SASH1: variants seen among roughly 807,000 people sequenced by gnomAD.
The protein encoded by SASH1 is SAM and SH3 domain-containing protein 1.
SASH1 carries 44 observed loss-of-function variants against 125.2 expected under a neutral mutation model. The observed-to-expected ratio is 0.35, with a 90% confidence interval of 0.28 to 0.45. The LOEUF (loss-of-function observed/expected upper bound fraction) is 0.45, where lower values mean the gene tolerates loss of function less well. Ranked by LOEUF, SASH1 falls within the 20% of genes least tolerant of loss-of-function variation. SASH1 has a pLI of 1.00. For synonymous variants in SASH1, 639 were observed against 649.1 expected (o/e 0.98, Z 0.24); for missense variants, 1,426 against 1,614.5 (o/e 0.88, Z 2.00).
chr6:148,445,977 G>A (rs1250203450), intron 4 of SASH1, among the ~76,000 whole-genome samples: 2 of 151,310 alleles, frequency 1.3e-5, no homozygotes, highest in African/African-American at 4.8e-5. Context: ...GAAAAATAAA[G>A]CAAAGAAAGG....
chr6:148,336,998 C>T (rs973962686), intron 1 of SASH1, among the ~76,000 whole-genome samples: 1 of 152,176 alleles, frequency 6.6e-6, no homozygotes, highest in African/African-American at 2.4e-5. Flanking sequence ...CTAAATACCC[C>T]ACAACTTGTA....
intron 2 of SASH1, among the ~76,000 whole-genome samples, chr6:148,430,418 G>C (rs930559613): frequency 1.3e-5 from 2 of 152,166 alleles, no homozygotes; most frequent in Non-Finnish European, 2.9e-5. Context: ...TGCAGCCTTC[G>C]CCTCCTGGGT....
At chr6:148,513,993 G>A in intron 8 of SASH1, 2 of 1,012,900 alleles carry the variant, frequency 2.0e-6, no homozygotes, top group Non-Finnish European at 2.4e-6. Context: ...TGGAATTACA[G>A]GGCCAGCATC....
the SASH1 span, among the ~76,000 whole-genome samples, chr6:148,263,879 T>C: frequency 6.6e-6 from 1 of 152,236 alleles, no homozygotes; most frequent in Non-Finnish European, 1.5e-5. Context: ...GACTCATTTC[T>C]GAGCTGGTCC....
At chr6:148,471,589 AAGTT>A (rs1275789112) in intron 6 of SASH1, 86 bp downstream of exon 6, 34 of 802,712 alleles carry the variant, frequency 4.2e-5, no homozygotes, top group Admixed American at 2.3e-5. Flanking sequence ...TGGATGCTAT[AAGTT>A]AGCGTAACTC....
chr6:148,285,448 T>C (rs1047916532), intron 1 of SASH1, among the ~76,000 whole-genome samples: 2 of 152,254 alleles, frequency 1.3e-5, no homozygotes, highest in African/African-American at 4.8e-5. Context: ...CCTCTGGCTA[T>C]TGGGGGCCCA....
chr6:148,528,003 C>A (rs1220711276), intron 12 of SASH1, among the ~76,000 whole-genome samples: 2 of 129,552 alleles, frequency 1.5e-5, no homozygotes, highest in African/African-American at 3.1e-5. Context: ...GGGGGGGTGG[C>A]AGTAGACTTG....
intron 2 of SASH1, among the ~76,000 whole-genome samples, chr6:148,434,899 A>G (rs981096874): frequency 1.3e-5 from 2 of 152,104 alleles, no homozygotes; most frequent in African/African-American, 2.4e-5. Context: ...TGTGCATATC[A>G]TATTCAGAAA....
intron 5 of SASH1, among the ~76,000 whole-genome samples, chr6:148,470,965 C>T (rs74657830): frequency 0.04 from 6,120 of 152,144 alleles, 445 homozygotes; most frequent in African/African-American, 0.14. Context: ...TCTGGAATAA[C>T]AGAAATAAAC....
intron 2 of SASH1, among the ~76,000 whole-genome samples, chr6:148,390,982 T>C (rs1783691209): frequency 6.6e-6 from 1 of 151,680 alleles, no homozygotes. Flanking sequence ...CAACATAAAA[T>C]TTTAAGGAAC....
chr6:148,496,881 G>GAA (rs545900493), intron 8 of SASH1, among the ~76,000 whole-genome samples: 3 of 138,024 alleles, frequency 2.2e-5, no homozygotes, highest in African/African-American at 5.3e-5. Context: ...TCAAAAAAAA[G>GAA]AAAAAAAAAA....
intron 1 of SASH1, among the ~76,000 whole-genome samples, chr6:148,326,329 T>TATATATATATATATATGC (rs1554235269): frequency 4.8e-5 from 3 of 62,380 alleles, no homozygotes; most frequent in African/African-American, 2.0e-4. Flanking sequence ...CATGCATATA[T>TATATATATATATATATGC]ATATATATAT....
At chr6:148,480,851 T>C (rs2115172651) in intron 7 of SASH1, 1 of 152,238 alleles carries the variant, frequency 6.6e-6, no homozygotes, top group East Asian at 1.9e-4. Context: ...CAAACCTCAG[T>C]GTACTGTCTT....
intron 1 of SASH1, among the ~76,000 whole-genome samples, chr6:148,350,355 G>A: frequency 6.6e-6 from 1 of 152,286 alleles, no homozygotes; most frequent in Admixed American, 6.5e-5. Flanking sequence ...TTGTATACCT[G>A]TCTCTCTATA....
chr6:148,458,962 G>T (rs1474228108), intron 4 of SASH1, among the ~76,000 whole-genome samples: 1 of 78,340 alleles, frequency 1.3e-5, no homozygotes, highest in Non-Finnish European at 3.0e-5. Context: ...GCAAGAACCT[G>T]TCTCAAAAAA....
intron 4 of SASH1, among the ~76,000 whole-genome samples, chr6:148,465,421 A>G (rs1329547430): frequency 6.6e-6 from 1 of 151,958 alleles, no homozygotes; most frequent in African/African-American, 2.4e-5. Flanking sequence ...GCATAGTGTC[A>G]TATGCCTGTA....
intron 1 of SASH1, among the ~76,000 whole-genome samples, chr6:148,377,998 A>C (rs1262168554): frequency 6.6e-6 from 1 of 152,076 alleles, no homozygotes; most frequent in Non-Finnish European, 1.5e-5. Context: ...GAAAGAGAGA[A>C]GGGTTCAGAT....
intron 1 of SASH1, among the ~76,000 whole-genome samples, chr6:148,377,179 A>AC (rs1400607498): frequency 6.3e-5 from 4 of 63,854 alleles, no homozygotes; most frequent in African/African-American, 2.4e-4. Flanking sequence ...CAAAAAAAAA[A>AC]AAAACAAAAA....
At chr6:148,284,852 C>G (rs904873847) in intron 1 of SASH1, among the ~76,000 whole-genome samples, 2 of 152,100 alleles carry the variant, frequency 1.3e-5, no homozygotes, top group Admixed American at 1.3e-4. Flanking sequence ...AATTTTCTCC[C>G]GATAGAGTCC....
Sources: allele counts gnomAD v4.1 joint callset (sites outside exome capture counted in the v4.1 genomes callset), GRCh38; gene constraint gnomAD v4.1.1; transcripts MANE v1.5; gene names NCBI Gene and HGNC (gene_info 2026-07-23, HGNC 2026-07-21).